Variants in TENM2 observed in about 807,000 individuals in gnomAD.
The protein encoded by TENM2 is teneurin-2.
TENM2 carries 52 observed loss-of-function variants against 245.2 expected under a neutral mutation model. The ratio of observed to expected loss-of-function variants is 0.21; its 90% CI spans 0.17 to 0.27. TENM2 has a LOEUF of 0.27. TENM2 is among the 10% of genes least tolerant of loss of function. The pLI, the probability that TENM2 is intolerant of heterozygous loss-of-function variation, is 1.00. For synonymous variants in TENM2, 1,363 were observed against 1,438.9 expected, an observed-to-expected ratio of 0.95 and a Z score of 1.19; for missense variants, 3,046 against 3,666.8, an observed-to-expected ratio of 0.83 and a Z score of 4.37.
At chr5:168,004,239 C>A (rs2152053251) in intron 5 of TENM2, among the ~76,000 whole-genome samples, 1 of 152,282 alleles carries the variant, frequency 6.6e-6, no homozygotes, top group African/African-American at 2.4e-5. Context: ...CCAGACCCTT[C>A]CCATGCCTTA....
chr5:167,597,133 C>T (rs1252860737), intron 2 of TENM2, among the ~76,000 whole-genome samples: 1 of 151,236 alleles, frequency 6.6e-6, no homozygotes, highest in Non-Finnish European at 1.5e-5. Flanking sequence ...CCATAAACAC[C>T]CATACATATT....
chr5:167,244,383 A>C, the TENM2 span, among the ~76,000 whole-genome samples: 1 of 152,164 alleles, frequency 6.6e-6, no homozygotes, highest in East Asian at 1.9e-4. Context: ...GTGGAATATT[A>C]ATTATATTTA....
chr5:167,600,398 AT>A (rs992595081), intron 2 of TENM2, among the ~76,000 whole-genome samples: 1 of 152,132 alleles, frequency 6.6e-6, no homozygotes, highest in Non-Finnish European at 1.5e-5. Context: ...GTTTTTCTTA[AT>A]TTTAAGGACA....
At chr5:167,257,350 C>G in the TENM2 span, among the ~76,000 whole-genome samples, 2 of 151,788 alleles carry the variant, frequency 1.3e-5, no homozygotes, top group Non-Finnish European at 2.9e-5. Flanking sequence ...GTGTGAGGTA[C>G]TACAATTGAT....
chr5:167,591,526 G>T, intron 2 of TENM2, among the ~76,000 whole-genome samples: 1 of 152,142 alleles, frequency 6.6e-6, no homozygotes, highest in East Asian at 1.9e-4. Context: ...ACTCTAATCA[G>T]ATCTTAAGAG....
intron 2 of TENM2, among the ~76,000 whole-genome samples, chr5:167,515,199 A>G (rs1052237571): frequency 2.0e-5 from 3 of 152,158 alleles, no homozygotes; most frequent in African/African-American, 7.2e-5. Flanking sequence ...TTTGCCAATG[A>G]CATTTAAGCA....
At chr5:167,410,174 T>C (rs901929185) in intron 2 of TENM2, among the ~76,000 whole-genome samples, 3 of 152,028 alleles carry the variant, frequency 2.0e-5, no homozygotes, top group African/African-American at 7.2e-5. Flanking sequence ...AGATATAATG[T>C]CAGATCTGGT....
At chr5:167,764,265 A>G (rs1432178311) in intron 2 of TENM2, among the ~76,000 whole-genome samples, 1 of 151,974 alleles carries the variant, frequency 6.6e-6, no homozygotes, top group Non-Finnish European at 1.5e-5. Flanking sequence ...CTTCTGAAAA[A>G]TTTTCAGTGA....
intron 2 of TENM2, among the ~76,000 whole-genome samples, chr5:167,494,678 A>G (rs1440835982): frequency 6.6e-6 from 1 of 152,132 alleles, no homozygotes; most frequent in African/African-American, 2.4e-5. Context: ...AAGTGAAGTA[A>G]AAGTTTAAAG....
intron 1 of TENM2, among the ~76,000 whole-genome samples, chr5:167,321,227 A>G (rs1756699272): frequency 1.3e-5 from 2 of 152,174 alleles, no homozygotes; most frequent in Non-Finnish European, 2.9e-5. Context: ...ATAATCCAAG[A>G]GTAAGATGCA....
chr5:167,026,599 A>ACAC, the TENM2 span, among the ~76,000 whole-genome samples: 1 of 152,090 alleles, frequency 6.6e-6, no homozygotes, highest in Non-Finnish European at 1.5e-5. Context: ...CTGTAACTCC[A>ACAC]CACCTTCTCC....
chr5:167,664,439 G>T (rs1325058917), intron 2 of TENM2, among the ~76,000 whole-genome samples: 1 of 152,154 alleles, frequency 6.6e-6, no homozygotes, highest in Non-Finnish European at 1.5e-5. Flanking sequence ...TGAGGAAAGT[G>T]AGGCTCAGAG....
chr5:167,672,278 T>C (rs1756004454), intron 2 of TENM2, among the ~76,000 whole-genome samples: 1 of 152,064 alleles, frequency 6.6e-6, no homozygotes, highest in Admixed American at 6.6e-5. Context: ...TATGTATATA[T>C]ACACACACAT....
At chr5:168,260,048 G>A (rs371099016) in intron 27 of TENM2, among the ~76,000 whole-genome samples, 65 of 152,280 alleles carry the variant, frequency 4.3e-4, no homozygotes, top group African/African-American at 1.5e-3. Flanking sequence ...ACTTGAGCAA[G>A]GGTCTTCTTA....
At chr5:167,379,973 A>G (rs1761001427) in intron 2 of TENM2, among the ~76,000 whole-genome samples, 2 of 149,474 alleles carry the variant, frequency 1.3e-5, no homozygotes, top group African/African-American at 4.9e-5. Context: ...AGCCATTTGG[A>G]TGACATTGAT....
At chr5:167,463,747 C>A (rs560124864) in intron 2 of TENM2, among the ~76,000 whole-genome samples, 1 of 152,112 alleles carries the variant, frequency 6.6e-6, no homozygotes, top group Admixed American at 6.5e-5. Context: ...CTGCCTGCTT[C>A]GGCCCCCCAG....
intron 2 of TENM2, among the ~76,000 whole-genome samples, chr5:167,668,618 G>T (rs78675302): frequency 1.3e-5 from 2 of 152,078 alleles, no homozygotes; most frequent in Non-Finnish European, 1.5e-5. Context: ...TCCTAAAACC[G>T]TTCTGAGAGA....
intron 5 of TENM2, among the ~76,000 whole-genome samples, chr5:168,000,765 G>A (rs1428188461): frequency 4.6e-5 from 7 of 152,194 alleles, no homozygotes; most frequent in Admixed American, 2.0e-4. Flanking sequence ...AGGTAGGTCC[G>A]TGGTCACAAA....
chr5:168,003,345 A>G (rs71603847), intron 5 of TENM2, among the ~76,000 whole-genome samples: 1 of 73,654 alleles, frequency 1.4e-5, no homozygotes, highest in Non-Finnish European at 3.1e-5. Context: ...ACACACACAC[A>G]CCCCCAAAGC....
Sources: gnomAD v4.1 joint callset for allele counts (sites outside exome capture counted in the v4.1 genomes callset) on GRCh38, gnomAD v4.1.1 for gene constraint, MANE v1.5 for transcripts, NCBI Gene and HGNC (gene_info 2026-07-23, HGNC 2026-07-21) for gene names.